The following PPP4R1 variants were observed in gnomAD, a reference collection of about 807,000 sequenced individuals.
PPP4R1 encodes serine/threonine-protein phosphatase 4 regulatory subunit 1.
PPP4R1 carries 42 observed loss-of-function variants against 111.2 expected under a neutral mutation model. The ratio of observed to expected loss-of-function variants is 0.38; its 90% CI spans 0.29 to 0.49. PPP4R1 has a LOEUF of 0.49. Among genes scored for constraint, PPP4R1 ranks in the 20% least tolerant of loss-of-function variants. PPP4R1 has a pLI of 0.97. For synonymous variants in PPP4R1, 409 were observed against 405.5 expected, an observed-to-expected ratio of 1.01 and a Z score of -0.10; for missense variants, 1,012 against 1,161.6, an observed-to-expected ratio of 0.87 and a Z score of 1.87.
intron 8 of PPP4R1, among the ~76,000 whole-genome samples, chr18:9,583,519 A>G (rs2067065731): frequency 6.6e-6 from 1 of 152,076 alleles, no homozygotes; most frequent in African/African-American, 2.4e-5. Flanking sequence ...GACGTGTGCC[A>G]CCACGCCCAG....
chr18:9,585,643 G>A (rs1279852379), intron 6 of PPP4R1, among the ~76,000 whole-genome samples: 1 of 152,128 alleles, frequency 6.6e-6, no homozygotes, highest in African/African-American at 2.4e-5. Flanking sequence ...CAGAAAATCA[G>A]AAGGAATCTA....
At chr18:9,564,739 G>GTGTTTGTGT in intron 11 of PPP4R1, among the ~76,000 whole-genome samples, 1 of 17,364 alleles carries the variant, frequency 5.8e-5, no homozygotes, top group East Asian at 7.4e-4. Context: ...TGTGTGTGTG[G>GTGTTTGTGT]GGGTATCATC....
intron 13 of PPP4R1, among the ~76,000 whole-genome samples, chr18:9,561,672 A>G (rs980094252): frequency 3.3e-5 from 5 of 152,238 alleles, no homozygotes. Flanking sequence ...GGATGACCAC[A>G]GCTGTCTTCA....
At position 9,570,306 on chromosome 18, in the gene PPP4R1, T is replaced by C. The variant is rs537618349; in HGVS notation, c.1424A>G (p.Asn475Ser). ...CTCTGGGCTGGGTTTTCCCCCAGAGTTCTGTTCAAGCTCTATGTCTAGATC... is the reference window on the plus strand; with the variant it reads ...CTCTGGGCTGGGTTTTCCCCCAGAGCTCTGTTCAAGCTCTATGTCTAGATC... ...EIDLDIELEQ[N>S]SGGKPSPEGP... The change falls in exon 11 of 20, where the codon AAC becomes AGC. Residue 475 changes from asparagine (N) to serine (S), a missense_variant. Physicochemically the swap from Asn to Ser is conservative, Grantham distance 46. Coordinates refer to ENST00000400556, the MANE Select transcript of PPP4R1 (RefSeq NM_001042388.3). The C allele has an allele frequency of 1.9e-6, 3 of 1,612,178 alleles. No individual in the cohort carries two copies. The highest frequency in any genetic ancestry group is 1.3e-5 in the African/African-American group (1 of 74,758).
chr18:9,570,063 T>C, intron 11 of PPP4R1, 94 bp downstream of exon 11: 1 of 1,359,886 alleles, frequency 7.4e-7, no homozygotes, highest in Non-Finnish European at 9.9e-7. Flanking sequence ...AATACATTAT[T>C]AAATGACAAT....
intron 18 of PPP4R1, among the ~76,000 whole-genome samples, chr18:9,549,573 C>G (rs2066455773): frequency 6.6e-6 from 1 of 152,192 alleles, no homozygotes. Flanking sequence ...ACAGGTGTTT[C>G]ATTTTCACAC....
chr18:9,584,776 A>G lies in PPP4R1; in HGVS notation c.638T>C (p.Ile213Thr), dbSNP rs2145197216. ...MVGKDITERL[I>T]LPRFCEMCCD... ...GCACATCTCACAAAACCTAGGGAGGATAAGACGCTCTGTAATATCCTTCCC... is the reference window on the plus strand; with the variant it reads ...GCACATCTCACAAAACCTAGGGAGGGTAAGACGCTCTGTAATATCCTTCCC... Residue 213 changes from isoleucine to threonine, a missense_variant, in exon 7 of 20, where the codon ATC becomes ACC. Coordinates refer to ENST00000400556, the MANE Select transcript of PPP4R1 (RefSeq NM_001042388.3). 1 of 1,613,842 alleles carries G rather than the reference A, an allele frequency of 6.2e-7. No individual in the cohort carries two copies. The highest frequency in any genetic ancestry group is 8.5e-7 in the Non-Finnish European group (1 of 1,179,800).
intron 2 of PPP4R1, among the ~76,000 whole-genome samples, chr18:9,603,944 T>C (rs1032603449): frequency 2.0e-5 from 3 of 152,226 alleles, no homozygotes; most frequent in Admixed American, 2.0e-4. Context: ...TTAAAGAATT[T>C]ATTCACAATT....
intron 11 of PPP4R1, among the ~76,000 whole-genome samples, chr18:9,565,893 A>G (rs1475779551): frequency 1.3e-5 from 2 of 152,206 alleles, no homozygotes; most frequent in Non-Finnish European, 2.9e-5. Context: ...TAAGCCACTA[A>G]GGTAGCTACA....
At position 9,549,668 on chromosome 18, in the gene PPP4R1, A is replaced by G. The variant is rs556514852; in HGVS notation, c.2548-330T>C. Among the ~76,000 whole-genome samples the G allele has an allele frequency of 3.3e-5, 5 of 152,308 alleles. No individual in the cohort carries two copies. In the East Asian group the frequency reaches 9.6e-4, roughly 29 times the overall value. On this transcript the variant is annotated intron_variant, in intron 18 of 19. Transcript: ENST00000400556. ...GTGCACAGTATGTGTGTGGTGGGGT[A>G]CATGTATGTATGCCTGTGTAATATG... is the stretch of plus-strand genomic sequence containing the variant.
chr18:9,582,908 A>G (rs1208628149), intron 9 of PPP4R1, among the ~76,000 whole-genome samples: 2 of 152,252 alleles, frequency 1.3e-5, no homozygotes, highest in African/African-American at 4.8e-5. Flanking sequence ...AATAAAAATC[A>G]ACAGGACTTA....
In PPP4R1 at chr18:9,562,054, A is replaced by G; in HGVS notation, c.1768T>C (p.Tyr590His). ...AVENMDSTLH[Y>H]IHSDSDLSNN... ...CTCAAGTCTGAATCGCTGTGAATAT[A>G]GTGAAGAGTGGAGTCCATATTCTGT... is the stretch of plus-strand genomic sequence containing the variant. The change falls in exon 13 of 20, where the codon TAT (tyrosine) becomes CAT (histidine). Residue 590 changes from tyrosine to histidine, a missense_variant. Coordinates refer to ENST00000400556, the MANE Select transcript of PPP4R1 (RefSeq NM_001042388.3). The G allele has an allele frequency of 1.9e-6, 3 of 1,612,050 alleles. No individual in the cohort carries two copies. Among genetic ancestry groups the G allele is most frequent in the Non-Finnish European group, 2.5e-6 (3 of 1,178,304 alleles).
chr18:9,608,674 A>C (rs887573420), intron 2 of PPP4R1, among the ~76,000 whole-genome samples: 2 of 152,248 alleles, frequency 1.3e-5, no homozygotes, highest in African/African-American at 4.8e-5. Context: ...ACACTAAGTT[A>C]GGTTTATTCT....
At chr18:9,583,565 C>T (rs2067066623) in intron 8 of PPP4R1, among the ~76,000 whole-genome samples, 1 of 151,612 alleles carries the variant, frequency 6.6e-6, no homozygotes, top group African/African-American at 2.4e-5. Context: ...TGAGGGTTCA[C>T]CATGTTGGCC....
chr18:9,572,657 C>CCTAT (rs1476958573), intron 10 of PPP4R1, among the ~76,000 whole-genome samples: 2 of 152,158 alleles, frequency 1.3e-5, no homozygotes, highest in Non-Finnish European at 2.9e-5. Flanking sequence ...GATGTTAATG[C>CCTAT]CTATGTGAGC....
In PPP4R1 at chr18:9,588,695, T is replaced by C; in HGVS notation, c.438+16A>G. On this transcript the variant is annotated intron_variant, in intron 5 of 19. Transcript: ENST00000400556. Reference sequence around the variant, plus strand: ...TACGTAAATTTCTTTTAAGAACATATAAATGGTACTCTTACCTGATTATTC... The same window carrying C: ...TACGTAAATTTCTTTTAAGAACATACAAATGGTACTCTTACCTGATTATTC... The C allele has an allele frequency of 1.3e-6, 2 of 1,589,398 alleles. No individual in the cohort carries two copies. Among genetic ancestry groups the C allele is most frequent in the South Asian group, 1.1e-5 (1 of 88,702 alleles).
intron 2 of PPP4R1, chr18:9,599,559 A>T (rs2067346084): frequency 6.6e-6 from 1 of 152,218 alleles, no homozygotes; most frequent in Non-Finnish European, 1.5e-5. Flanking sequence ...GTCAAATTGG[A>T]TTACAAACAA....
chr18:9,583,344 A>G, intron 8 of PPP4R1, 69 bp from the exon 9 acceptor site: 1 of 1,336,766 alleles, frequency 7.5e-7, no homozygotes, highest in East Asian at 2.6e-5. Context: ...CTTCGCTTTC[A>G]TTTTCTGCTT....
chr18:9,607,438 C>T (rs1232714575), intron 2 of PPP4R1, among the ~76,000 whole-genome samples: 1 of 151,788 alleles, frequency 6.6e-6, no homozygotes, highest in South Asian at 2.1e-4. Flanking sequence ...GGTCCATCTG[C>T]CTTTGTATAT....
Sources: allele counts gnomAD v4.1 joint callset (sites outside exome capture counted in the v4.1 genomes callset), GRCh38; gene constraint gnomAD v4.1.1; transcripts MANE v1.5; gene names NCBI Gene and HGNC (gene_info 2026-07-23, HGNC 2026-07-21).